HR: variants seen among roughly 807,000 people sequenced by gnomAD.
HR encodes lysine-specific demethylase hairless.
HR carries 83 observed loss-of-function variants against 128.6 expected under a neutral mutation model. The observed-to-expected ratio is 0.65, with a 90% CI of 0.54 to 0.77. The LOEUF is 0.77. Among genes scored for constraint, HR ranks in the 30% least tolerant of loss-of-function variants. The pLI, the probability that HR is intolerant of heterozygous loss-of-function variation, is 0.00. For missense variants in HR, 1,490 were observed against 1,574.6 expected (o/e 0.95, Z 0.91); for synonymous variants, 681 against 658.2 (o/e 1.03, Z -0.53).
At position 22,128,593 on chromosome 8, in the gene HR, G is replaced by A. The variant is rs1198951087; in HGVS notation, c.578C>T (p.Pro193Leu). ...PHPWVYSGGQ[P>L]KVPSAFSLGS... Reference sequence around the variant, plus strand: ...TAAGCTGAAGGCAGAGGGCACTTTGGGCTGGCCCCCGGAGTATACCCAGGG... The same window carrying A: ...TAAGCTGAAGGCAGAGGGCACTTTGAGCTGGCCCCCGGAGTATACCCAGGG... Residue 193 changes from proline to leucine, a missense_variant, in exon 2 of 19, where the codon CCC becomes CTC. By Grantham distance (98) the Pro-to-Leu change is moderately conservative. Coordinates refer to ENST00000381418, the MANE Select transcript of HR (RefSeq NM_005144.5). 6.2e-7 allele frequency: 1 copy of A among 1,609,906 alleles called. No individual in the cohort carries two copies. Among genetic ancestry groups the A allele is most frequent in the Admixed American group, 1.7e-5 (1 of 59,464 alleles).
intron 16 of HR, 69 bp from the exon 17 acceptor site, chr8:22,117,108 G>A (rs1026485919): frequency 2.0e-5 from 28 of 1,400,740 alleles, no homozygotes; most frequent in Admixed American, 2.8e-5. Context: ...GATGGGGCAT[G>A]GACTTTCCAG....
intron 2 of HR, chr8:22,128,250 G>C (rs1586386655): frequency 1.9e-6 from 1 of 538,632 alleles, no homozygotes; most frequent in East Asian, 3.3e-5. Flanking sequence ...GCCCTTGTCT[G>C]CCCACCCATC....
chr8:22,119,768 G>T lies in HR; in HGVS notation c.2969C>A (p.Ala990Glu). ...AGTGGAGGGACACTCACCATAGGCT[G>T]CCCAGAGCTGGGGCTCCAGTGGACG... The part of the protein sequence containing the change: ...ALRPLEPQLW[A>E]AYGVSPHRGH... Residue 990 changes from alanine (A) to glutamate (E), a missense_variant, in exon 14 of 19, where the codon GCA becomes GAA. Transcript: ENST00000381418. 9 of 1,610,984 alleles carry T rather than the reference G, an allele frequency of 5.6e-6. No individual in the cohort carries two copies. The highest frequency in any genetic ancestry group is 7.6e-6 in the Non-Finnish European group (9 of 1,178,536).
At chr8:22,120,315 C>T (rs1177736149) in intron 12 of HR, 27 bp downstream of exon 12, 3 of 1,613,552 alleles carry the variant, frequency 1.9e-6, no homozygotes, top group East Asian at 4.5e-5. Flanking sequence ...CTCCCAGCTC[C>T]CTCTCCCCTG....
chr8:22,117,094 G>T, intron 16 of HR, 55 bp from the exon 17 acceptor site: 2 of 1,434,366 alleles, frequency 1.4e-6, no homozygotes, highest in South Asian at 2.9e-5. Flanking sequence ...CAGGGCTGCA[G>T]GAGGATGGGG....
chr8:22,124,968 G>A (rs933214912), intron 5 of HR, among the ~76,000 whole-genome samples: 2 of 152,178 alleles, frequency 1.3e-5, no homozygotes, highest in Admixed American at 6.5e-5. Context: ...GCTGCGGAAG[G>A]GCGACCGAAG....
In HR at chr8:22,125,570, G is replaced by T; in HGVS notation, c.1556+12C>A. On this transcript the variant is annotated intron_variant, in intron 4 of 18. Coordinates refer to ENST00000381418, the MANE Select transcript of HR (RefSeq NM_005144.5). ...GAGGGGGCACTGGAGGTGTCCAGGG[G>T]CAATGGCTCACCTCCGCACTTGCTG... 2 of 1,612,878 alleles carry T rather than the reference G, an allele frequency of 1.2e-6. No individual in the cohort carries two copies. Among genetic ancestry groups the T allele is most frequent in the Admixed American group, 1.7e-5 (1 of 59,896 alleles).
chr8:22,117,140 G>T, intron 16 of HR, 101 bp from the exon 17 acceptor site: 1 of 1,234,690 alleles, frequency 8.1e-7, no homozygotes, highest in Non-Finnish European at 1.1e-6. Context: ...GGAGAAAAGA[G>T]CCGAAGGGTC....
At position 22,128,352 on chromosome 8, in the gene HR, G is replaced by C. The variant is rs547024071; in HGVS notation, c.612+207C>G. 4.5e-6 allele frequency: 3 copies of C among 668,198 alleles called. No individual in the cohort carries two copies. The East Asian group carries it at 8.2e-5, about 18-fold the overall frequency. The allele number at this position is 668,198 out of a possible 1,614,324, so 41.4% of individuals were successfully genotyped here. A position where few individuals can be genotyped will look rare whatever the true frequency, so the allele number is the denominator to read the frequency against. ...GGTGAGTCAGTGGCTGCAATGACCC[G>C]AGGGCAGGGGAGGCCTAGAGAGATG... On this transcript the variant is annotated intron_variant, in intron 2 of 18. Coordinates refer to ENST00000381418, the MANE Select transcript of HR (RefSeq NM_005144.5).
intron 16 of HR, 35 bp downstream of exon 16, chr8:22,118,914 CG>C: frequency 2.7e-6 from 4 of 1,473,020 alleles, no homozygotes; most frequent in East Asian, 5.3e-5. Flanking sequence ...TAGGGCTGGG[CG>C]GGGGGAAGGG....
Position 22,129,051 on chromosome 8 carries a change from C to A in HR, c.120G>T (p.Pro40=). The change falls in exon 2 of 19, where the codon CCG becomes CCT. Residue 40 remains proline (P), a synonymous_variant. Coordinates refer to ENST00000381418, the MANE Select transcript of HR (RefSeq NM_005144.5). Reference sequence around the variant, plus strand: ...AGGGAGCAGGCTCTCCCAGGCACAGCGGCCCATGGTGCAGTCCATCTCGAG... The same window carrying A: ...AGGGAGCAGGCTCTCCCAGGCACAGAGGCCCATGGTGCAGTCCATCTCGAG... ...SPPRDGLHHG[P]LCLGEPAPFW... The A allele has an allele frequency of 1.3e-6, 2 of 1,599,366 alleles. No homozygotes were observed. Among genetic ancestry groups the A allele is most frequent in the South Asian group, 1.1e-5 (1 of 89,056 alleles).
Position 22,122,890 on chromosome 8 carries a change from G to A in HR, c.1916-11C>T, listed in dbSNP as rs1482811650. The A allele has an allele frequency of 1.5e-5, 24 of 1,551,198 alleles. No individual in the cohort carries two copies. In the East Asian group the frequency reaches 5.6e-4, roughly 36 times the overall value. On this transcript the variant is annotated splice_polypyrimidine_tract_variant and intron_variant, in intron 6 of 18. Transcript: ENST00000381418. ...ACTGCTCCTGAAAGCCTGTGGGGCA[G>A]GAAGGGAAAAGCTGCAGGTCCAGAA...
At position 22,121,173 on chromosome 8, in the gene HR, C is replaced by G; in HGVS notation, c.2259G>C (p.Leu753=). 2.5e-6 allele frequency: 4 copies of G among 1,613,980 alleles called. No individual in the cohort carries two copies. The highest frequency in any genetic ancestry group is 3.4e-6 in the Non-Finnish European group (4 of 1,180,044). Residue 753 remains leucine (L), a synonymous_variant, in exon 10 of 19, where the codon CTG becomes CTC. Transcript: ENST00000381418. ...GCAGTTCGCAGAGAGAAGGACAAGG[C>G]AGGGGCCCTCGGCCAGCACGGTCCT... is the stretch of plus-strand genomic sequence containing the variant. ...PAEDRAGRGP[L]PCPSLCELLA...
chr8:22,115,374 C>A lies in HR; in HGVS notation c.*326G>T. On this transcript the variant is annotated 3_prime_UTR_variant, in exon 19 of 19. Transcript: ENST00000381418. ...TAAGCCAGAATGATTCCCAAGTTTC[C>A]CCAAGGAAGGGCTGTTTGTCTCCTG... The A allele has an allele frequency of 2.0e-6, 1 of 496,356 alleles. No homozygotes were observed. The highest frequency in any genetic ancestry group is 2.2e-5 in the South Asian group (1 of 44,848). 30.7% of individuals were successfully genotyped at this position (496,356 alleles called of 1,614,324 possible).
intron 5 of HR, 99 bp from the exon 6 acceptor site, chr8:22,123,912 G>A: frequency 7.1e-7 from 1 of 1,399,184 alleles, no homozygotes; most frequent in South Asian, 1.2e-5. Context: ...GGAGAAGCAA[G>A]GAGCAGCTTC....
At position 22,123,617 on chromosome 8, in the gene HR, T is replaced by TGGGGGGGCCCCC; in HGVS notation, c.1915+31_1915+32insGGGGGCCCCCCC. On this transcript the variant is annotated intron_variant, in intron 6 of 18. Coordinates refer to ENST00000381418, the MANE Select transcript of HR (RefSeq NM_005144.5). ...TGCAGCAGTCCCCCTGAGGGCTCCA[T>TGGGGGGGCCCCC]CCCGCCCTCCCACCCCCAGCCCCTC... is the stretch of plus-strand genomic sequence containing the variant. 27 of 292,086 alleles carry TGGGGGGGCCCCC rather than the reference T, an allele frequency of 9.2e-5. 1 individual carries two copies. Among genetic ancestry groups the TGGGGGGGCCCCC allele is most frequent in the Non-Finnish European group, 1.4e-4 (23 of 160,012 alleles). 18.1% of individuals were successfully genotyped at this position (292,086 alleles called of 1,614,324 possible).
Position 22,125,564 on chromosome 8 carries a change from C to T in HR, c.1556+18G>A. The T allele has an allele frequency of 3.7e-6, 6 of 1,613,004 alleles. No homozygotes were observed. The highest frequency in any genetic ancestry group is 5.1e-6 in the Non-Finnish European group (6 of 1,179,684). On this transcript the variant is annotated intron_variant, in intron 4 of 18. Transcript: ENST00000381418. ...CCTGGCGAGGGGGCACTGGAGGTGT[C>T]CAGGGGCAATGGCTCACCTCCGCAC... is the stretch of plus-strand genomic sequence containing the variant.
chr8:22,115,060 G>T lies in HR; in HGVS notation c.*640C>A, dbSNP rs1231511789. The T allele has an allele frequency of 6.3e-6, 1 of 159,566 alleles. No individual in the cohort carries two copies. Among genetic ancestry groups the T allele is most frequent in the East Asian group, 1.8e-4 (1 of 5,482 alleles). The allele number at this position is 159,566 out of a possible 1,614,324, so 9.9% of individuals were successfully genotyped here. ...CTGCAGGGGCAGGGCCAACCACACT[G>T]GCAGCAGTCACAAAACAACAGACTT... On this transcript the variant is annotated 3_prime_UTR_variant, in exon 19 of 19. Transcript: ENST00000381418.
chr8:22,123,890 C>T, intron 5 of HR, 77 bp from the exon 6 acceptor site: 1 of 1,492,830 alleles, frequency 6.7e-7, no homozygotes, highest in Non-Finnish European at 9.1e-7. Context: ...GGGAAGGATC[C>T]AAGGAGGGGC....
Sources: gnomAD v4.1 joint callset for allele counts (sites outside exome capture counted in the v4.1 genomes callset) on GRCh38, gnomAD v4.1.1 for gene constraint, MANE v1.5 for transcripts, NCBI Gene and HGNC (gene_info 2026-07-23, HGNC 2026-07-21) for gene names.